Variants in GABRB1 observed in about 807,000 individuals in gnomAD.
GABRB1 encodes the protein gamma-aminobutyric acid type A receptor subunit beta1.
Under a neutral mutation model 51.6 loss-of-function variants are expected in GABRB1, and 17 were observed. The ratio of observed to expected loss-of-function variants is 0.33; its 90% CI spans 0.23 to 0.49. The LOEUF is 0.49. Ranked by LOEUF, GABRB1 falls within the 20% of genes least tolerant of loss-of-function variation. The probability of loss-of-function intolerance (pLI) is 0.99; values close to 1 mark genes in which losing one functional copy is unlikely to be tolerated. For missense variants in GABRB1, 410 were observed against 600.6 expected (o/e 0.68, Z 3.32); for synonymous variants, 247 against 218.9 (o/e 1.13, Z -1.14).
chr4:47,104,474 C>T (rs1714865750), intron 3 of GABRB1, among the ~76,000 whole-genome samples: 1 of 151,036 alleles, frequency 6.6e-6, no homozygotes, highest in South Asian at 2.1e-4. Flanking sequence ...TCATGACTGA[C>T]CATTATCTCA....
chr4:47,298,820 G>T (rs557480279), intron 4 of GABRB1, among the ~76,000 whole-genome samples: 10 of 151,888 alleles, frequency 6.6e-5, no homozygotes, highest in African/African-American at 1.9e-4. Flanking sequence ...GAGGCATCAC[G>T]CTACCTGACT....
At chr4:47,392,692 T>G (rs1265337346) in intron 5 of GABRB1, among the ~76,000 whole-genome samples, 1 of 152,138 alleles carries the variant, frequency 6.6e-6, no homozygotes, top group African/African-American at 2.4e-5. Context: ...GGGAAGTATC[T>G]AACATGAAGC....
chr4:47,000,966 G>A (rs1344488553), intron 1 of GABRB1, among the ~76,000 whole-genome samples: 1 of 152,000 alleles, frequency 6.6e-6, no homozygotes, highest in Non-Finnish European at 1.5e-5. Flanking sequence ...TCATTTGATG[G>A]CCATCTTTGA....
chr4:47,203,660 C>A (rs1005608495), intron 4 of GABRB1, among the ~76,000 whole-genome samples: 1 of 151,976 alleles, frequency 6.6e-6, no homozygotes. Flanking sequence ...TGGTGGCAAC[C>A]CTCATTTGTG....
At chr4:47,072,564 C>T (rs562969802) in intron 3 of GABRB1, among the ~76,000 whole-genome samples, 1 of 152,220 alleles carries the variant, frequency 6.6e-6, no homozygotes, top group African/African-American at 2.4e-5. Flanking sequence ...ATTTGGCTAA[C>T]TACTACTTTT....
At chr4:47,354,992 T>TTTTTTG (rs1726508382) in intron 5 of GABRB1, among the ~76,000 whole-genome samples, 3 of 135,820 alleles carry the variant, frequency 2.2e-5, no homozygotes, top group East Asian at 2.0e-4. Context: ...TTTTTTTTTT[T>TTTTTTG]TTTTTTTTTT....
At chr4:47,096,844 G>A (rs568545997) in intron 3 of GABRB1, among the ~76,000 whole-genome samples, 1 of 152,148 alleles carries the variant, frequency 6.6e-6, no homozygotes, top group Non-Finnish European at 1.5e-5. Context: ...AAAGGCAAGA[G>A]ACAGATTCTC....
At chr4:47,187,049 G>C (rs1279422012) in intron 4 of GABRB1, among the ~76,000 whole-genome samples, 1 of 151,890 alleles carries the variant, frequency 6.6e-6, no homozygotes, top group Admixed American at 6.6e-5. Flanking sequence ...GTAAATATTG[G>C]AAGCAGTATG....
At chr4:47,368,380 C>T (rs1195636253) in intron 5 of GABRB1, among the ~76,000 whole-genome samples, 1 of 152,126 alleles carries the variant, frequency 6.6e-6, no homozygotes. Flanking sequence ...TCCCCATCAC[C>T]ACCTGGTGAC....
intron 3 of GABRB1, among the ~76,000 whole-genome samples, chr4:47,109,997 G>A (rs1371171790): frequency 2.0e-5 from 3 of 152,086 alleles, no homozygotes; most frequent in African/African-American, 7.2e-5. Flanking sequence ...TAAAGCCAAT[G>A]GGGTGATATT....
At chr4:47,090,294 TC>T (rs1728241140) in intron 3 of GABRB1, among the ~76,000 whole-genome samples, 1 of 152,250 alleles carries the variant, frequency 6.6e-6, no homozygotes, top group African/African-American at 2.4e-5. Flanking sequence ...ACAATAGGAT[TC>T]TATTCCATCT....
intron 3 of GABRB1, among the ~76,000 whole-genome samples, chr4:47,047,228 G>T (rs577132875): frequency 1.3e-5 from 2 of 152,116 alleles, no homozygotes; most frequent in East Asian, 1.9e-4. Flanking sequence ...ATTACCAAGG[G>T]TATTCAAAAT....
At chr4:47,289,514 G>A (rs190111479) in intron 4 of GABRB1, among the ~76,000 whole-genome samples, 3 of 152,282 alleles carry the variant, frequency 2.0e-5, no homozygotes, top group Admixed American at 2.0e-4. Flanking sequence ...GGGAAAATTA[G>A]TCTAACTCCA....
chr4:47,279,017 C>A (rs1194981909), intron 4 of GABRB1, among the ~76,000 whole-genome samples: 1 of 152,014 alleles, frequency 6.6e-6, no homozygotes, highest in East Asian at 1.9e-4. Context: ...TTGTGAGGCA[C>A]TTGGGGAACT....
chr4:47,339,516 C>A (rs1179050625), intron 5 of GABRB1, among the ~76,000 whole-genome samples: 1 of 149,324 alleles, frequency 6.7e-6, no homozygotes, highest in Non-Finnish European at 1.5e-5. Context: ...AAAGTAATGA[C>A]ATATTTATGT....
intron 5 of GABRB1, among the ~76,000 whole-genome samples, chr4:47,369,275 A>T (rs1291017150): frequency 6.6e-6 from 1 of 152,190 alleles, no homozygotes; most frequent in Non-Finnish European, 1.5e-5. Flanking sequence ...CTGTTCTGCC[A>T]CTGACTAGTT....
chr4:47,314,880 C>T (rs748270507), intron 4 of GABRB1, among the ~76,000 whole-genome samples: 10 of 151,766 alleles, frequency 6.6e-5, no homozygotes, highest in Non-Finnish European at 1.5e-4. Context: ...TGGGGCCATC[C>T]AACTCAAGAT....
At chr4:47,284,077 G>A (rs1432182970) in intron 4 of GABRB1, among the ~76,000 whole-genome samples, 3 of 129,852 alleles carry the variant, frequency 2.3e-5, no homozygotes, top group Admixed American at 9.4e-5. Context: ...CAGCCTGAGC[G>A]ACAGAGCGAG....
At chr4:47,063,611 A>G (rs1726934002) in intron 3 of GABRB1, among the ~76,000 whole-genome samples, 1 of 152,226 alleles carries the variant, frequency 6.6e-6, no homozygotes, top group Non-Finnish European at 1.5e-5. Context: ...ATGAAGGTAG[A>G]AAGAGGAGTG....
Sources: allele counts gnomAD v4.1 joint callset (sites outside exome capture counted in the v4.1 genomes callset), GRCh38; gene constraint gnomAD v4.1.1; transcripts MANE v1.5; gene names NCBI Gene and HGNC (gene_info 2026-07-23, HGNC 2026-07-21).